The following TRAPPC9 variants were observed in gnomAD, a reference collection of about 807,000 sequenced individuals.
The protein encoded by TRAPPC9 is trafficking protein particle complex subunit 9, also known as IKK2 binding protein.
TRAPPC9 carries 83 observed loss-of-function variants against 124.0 expected under a neutral mutation model. The observed-to-expected ratio is 0.67, with a 90% confidence interval of 0.56 to 0.80. The LOEUF is 0.80. TRAPPC9 is among the 30% of genes least tolerant of loss of function. The pLI is 0.00. For missense variants in TRAPPC9, 1,302 were observed against 1,508.3 expected (o/e 0.86, Z 2.27); for synonymous variants, 638 against 617.5 (o/e 1.03, Z -0.49).
chr8:139,975,801 C>T (rs945013507), intron 19 of TRAPPC9, among the ~76,000 whole-genome samples: 4 of 152,140 alleles, frequency 2.6e-5, no homozygotes, highest in Admixed American at 2.0e-4. Flanking sequence ...ACCTGTCAGC[C>T]CATCCACTGA....
chr8:140,004,872 C>T lies in TRAPPC9; in HGVS notation c.2700-16036G>A, dbSNP rs75781179. Among the ~76,000 whole-genome samples, 94 of 152,268 alleles carry T rather than the reference C, an allele frequency of 6.2e-4. 2 individuals are homozygous for T. In the East Asian group the frequency reaches 0.018, roughly 29 times the overall value. The stretch of plus-strand genomic sequence containing the variant: ...CCAGGAGTGTACTAAAGTGAATTAG[C>T]ATAAAACTAAAACAGGTAGTGATGG... On this transcript the variant is annotated intron_variant, in intron 18 of 22. Transcript: ENST00000438773.
At chr8:140,060,405 A>G (rs930482762) in intron 17 of TRAPPC9, among the ~76,000 whole-genome samples, 4 of 152,306 alleles carry the variant, frequency 2.6e-5, no homozygotes, top group Non-Finnish European at 5.9e-5. Context: ...GGTGACCCCC[A>G]GAAGACTCTG....
chr8:139,807,323 G>A (rs1487319827), intron 21 of TRAPPC9, among the ~76,000 whole-genome samples: 1 of 152,178 alleles, frequency 6.6e-6, no homozygotes, highest in Non-Finnish European at 1.5e-5. Context: ...CATTCCTCAT[G>A]ACCCATGCGT....
At chr8:140,269,802 A>G (rs2064820802) in intron 15 of TRAPPC9, among the ~76,000 whole-genome samples, 1 of 152,132 alleles carries the variant, frequency 6.6e-6, no homozygotes. Flanking sequence ...CAGAGACATA[A>G]GGAACACCAA....
intron 16 of TRAPPC9, among the ~76,000 whole-genome samples, chr8:140,228,028 A>C (rs1230117576): frequency 6.6e-6 from 1 of 152,188 alleles, no homozygotes; most frequent in African/African-American, 2.4e-5. Flanking sequence ...CTGGGTCAAA[A>C]CTGTACACCA....
intron 17 of TRAPPC9, among the ~76,000 whole-genome samples, chr8:140,129,228 G>A (rs1008375713): frequency 6.6e-6 from 1 of 152,100 alleles, no homozygotes; most frequent in African/African-American, 2.4e-5. Context: ...GTGAGGCAGG[G>A]CAGGCAGGTA....
At chr8:139,811,823 C>T (rs994204469) in intron 21 of TRAPPC9, among the ~76,000 whole-genome samples, 2 of 152,136 alleles carry the variant, frequency 1.3e-5, no homozygotes, top group Admixed American at 6.5e-5. Flanking sequence ...TTTTTTTGGA[C>T]ATGCAATATT....
At chr8:140,126,837 G>A (rs982222589) in intron 17 of TRAPPC9, among the ~76,000 whole-genome samples, 3 of 152,138 alleles carry the variant, frequency 2.0e-5, no homozygotes, top group African/African-American at 4.8e-5. Context: ...GTGGACTCAC[G>A]GGCGCTGTGA....
intron 21 of TRAPPC9, among the ~76,000 whole-genome samples, chr8:139,840,977 A>G (rs1463931314): frequency 3.3e-5 from 5 of 152,096 alleles, no homozygotes; most frequent in Middle Eastern, 3.2e-3. Flanking sequence ...TTAGTTTCCT[A>G]TTGCTGTGGT....
rs2069837523 is a variant in TRAPPC9, at chr8:140,414,669, A to G, written c.887-8971T>C. 2.0e-5 allele frequency among the ~76,000 whole-genome samples: 3 copies of G among 152,264 alleles called. No individual in the cohort carries two copies. In the South Asian group the frequency reaches 6.2e-4, roughly 31 times the overall value. Reference sequence around the variant, plus strand: ...AATGAAATTTGGGGAATTCACAAATACTTGGAAATTAAATAGCACACAGCT... The same window carrying G: ...AATGAAATTTGGGGAATTCACAAATGCTTGGAAATTAAATAGCACACAGCT... On this transcript the variant is annotated intron_variant, in intron 5 of 22. Transcript: ENST00000438773.
chr8:140,088,526 A>G (rs1445526643), intron 17 of TRAPPC9, among the ~76,000 whole-genome samples: 1 of 152,242 alleles, frequency 6.6e-6, no homozygotes, highest in African/African-American at 2.4e-5. Context: ...TAAATGCTAT[A>G]ACCCTTAACA....
chr8:140,446,001 T>A (rs560858672), intron 2 of TRAPPC9, among the ~76,000 whole-genome samples: 1 of 152,122 alleles, frequency 6.6e-6, no homozygotes, highest in Admixed American at 6.5e-5. Flanking sequence ...CGTCAACAAA[T>A]GCAGACACTG....
upstream of TRAPPC9, chr8:140,457,753 A>C: frequency 1.0e-6 from 1 of 996,206 alleles, no homozygotes; most frequent in Non-Finnish European, 1.2e-6. Context: ...CTGGCGGCCG[A>C]GCCGGCGCTG....
At chr8:140,042,240 CAT>C (rs1841322553) in intron 17 of TRAPPC9, among the ~76,000 whole-genome samples, 1 of 150,804 alleles carries the variant, frequency 6.6e-6, no homozygotes, top group East Asian at 1.9e-4. Context: ...TGTGTACAAA[CAT>C]ATACAGAGAG....
At chr8:140,169,897 T>C (rs2061932404) in intron 17 of TRAPPC9, among the ~76,000 whole-genome samples, 1 of 151,926 alleles carries the variant, frequency 6.6e-6, no homozygotes, top group South Asian at 2.1e-4. Context: ...ACCGCCATGC[T>C]CAGCTAGTTT....
chr8:140,360,124 A>C lies in TRAPPC9; in HGVS notation c.1421T>G (p.Met474Arg), dbSNP rs760969191. The C allele has an allele frequency of 3.8e-5, 61 of 1,614,108 alleles. No homozygotes were observed. The highest frequency in any genetic ancestry group is 5.2e-5 in the Non-Finnish European group (61 of 1,180,040). ...LHELVYASRR[M>R]GNPALSVRHL... Reference sequence around the variant, plus strand: ...TCTGACAGAGAGGGCAGGGTTCCCCATCCTTCGGGAGGCGTAGACCAATTC... The same window carrying C: ...TCTGACAGAGAGGGCAGGGTTCCCCCTCCTTCGGGAGGCGTAGACCAATTC... Residue 474 changes from methionine to arginine, a missense_variant, in exon 9 of 23, where the codon ATG (methionine) becomes AGG (arginine). By Grantham distance (91) the Met-to-Arg change is moderately conservative. Coordinates refer to ENST00000438773, the MANE Select transcript of TRAPPC9 (RefSeq NM_001160372.4).
intron 17 of TRAPPC9, among the ~76,000 whole-genome samples, chr8:140,217,178 C>T (rs1256350741): frequency 6.6e-6 from 1 of 152,218 alleles, no homozygotes; most frequent in African/African-American, 2.4e-5. Flanking sequence ...AAGCCTGAAC[C>T]CAGCCTCTGC....
intron 16 of TRAPPC9, among the ~76,000 whole-genome samples, chr8:140,235,859 T>A (rs1307610379): frequency 6.6e-6 from 1 of 152,088 alleles, no homozygotes; most frequent in African/African-American, 2.4e-5. Flanking sequence ...ATCACAAGTA[T>A]AATGAATAAA....
intron 15 of TRAPPC9, among the ~76,000 whole-genome samples, chr8:140,269,910 C>T (rs55842127): frequency 0.1 from 15,890 of 152,080 alleles, 1,097 homozygotes; most frequent in Admixed American, 0.17. Flanking sequence ...ACCAGCCTGG[C>T]CAACTTGGTG....
Sources: allele counts gnomAD v4.1 joint callset (sites outside exome capture counted in the v4.1 genomes callset), GRCh38; gene constraint gnomAD v4.1.1; transcripts MANE v1.5; gene names NCBI Gene and HGNC (gene_info 2026-07-23, HGNC 2026-07-21).